The following ANKRD30A variants were observed in gnomAD, a reference collection of about 807,000 sequenced individuals.
ANKRD30A encodes the protein ankyrin repeat domain 30A.
ANKRD30A carries 170 observed loss-of-function variants against 166.3 expected under a neutral mutation model. The observed-to-expected ratio is 1.02, with a 90% CI of 0.90 to 1.16. ANKRD30A has a LOEUF of 1.16. Among genes scored for constraint, ANKRD30A ranks in the 50% most tolerant of loss-of-function variants. The pLI, the probability that ANKRD30A is intolerant of heterozygous loss-of-function variation, is 0.00. For missense variants in ANKRD30A, 1,630 were observed against 1,518.0 expected, an observed-to-expected ratio of 1.07 and a Z score of -1.23; for synonymous variants, 564 against 508.9, an observed-to-expected ratio of 1.11 and a Z score of -1.46.
chr10:37,134,158 T>G (rs1836538905), intron 5 of ANKRD30A, 105 bp downstream of exon 5: 2 of 1,333,022 alleles, frequency 1.5e-6, no homozygotes, highest in African/African-American at 2.9e-5. Context: ...GGCAAAAAGC[T>G]AGACTAGTTA....
At chr10:37,159,447 G>A (rs12769943) in intron 15 of ANKRD30A, among the ~76,000 whole-genome samples, 2 of 152,044 alleles carry the variant, frequency 1.3e-5, no homozygotes, top group South Asian at 4.1e-4. Flanking sequence ...GAAACTAGGA[G>A]GCAAAAGTTG....
chr10:37,212,995 A>G (rs1399503562), intron 31 of ANKRD30A, among the ~76,000 whole-genome samples: 1 of 151,832 alleles, frequency 6.6e-6, no homozygotes, highest in Admixed American at 6.6e-5. Flanking sequence ...ACATTAACTC[A>G]TTTTCAAACT....
At chr10:37,204,502 A>T (rs1332493093) in intron 31 of ANKRD30A, among the ~76,000 whole-genome samples, 1 of 152,198 alleles carries the variant, frequency 6.6e-6, no homozygotes, top group Non-Finnish European at 1.5e-5. Context: ...TTAGACCTAA[A>T]ACCATAAAAA....
intron 15 of ANKRD30A, among the ~76,000 whole-genome samples, chr10:37,159,597 C>G (rs550131022): frequency 5.9e-5 from 9 of 152,218 alleles, no homozygotes; most frequent in East Asian, 1.9e-4. Context: ...ATGTCTTATA[C>G]GCTGTGTGTA....
chr10:37,159,479 C>T (rs1838662363), intron 15 of ANKRD30A, among the ~76,000 whole-genome samples: 3 of 152,012 alleles, frequency 2.0e-5, no homozygotes, highest in Admixed American at 2.0e-4. Flanking sequence ...CCTTTTGCCA[C>T]TTTAGCTTGA....
rs1187488605 is a variant in ANKRD30A, at chr10:37,219,157, AC to A, written c.3448del (p.Leu1150Ter). 1 of 1,610,208 alleles carries A rather than the reference AC, an allele frequency of 6.2e-7. No individual in the cohort carries two copies. Among genetic ancestry groups the A allele is most frequent in the African/African-American group, 1.3e-5 (1 of 74,636 alleles). Reference sequence around the variant, plus strand: ...AGAAAAGAATGCTGAACTTCAGATGACCCTAAAACTGAAAGAGGAATCATTA... The same window carrying A: ...AGAAAAGAATGCTGAACTTCAGATGACCTAAAACTGAAAGAGGAATCATTA... ...LKEKNAELQM[T>X]LKLKEESLTK... On this transcript the variant is annotated frameshift_variant, in exon 34 of 36. Coordinates refer to ENST00000361713, the MANE Select transcript of ANKRD30A (RefSeq NM_052997.3). LOFTEE classifies it high-confidence loss of function.
At chr10:37,200,199 T>C (rs1295613724) in intron 30 of ANKRD30A, among the ~76,000 whole-genome samples, 1 of 152,046 alleles carries the variant, frequency 6.6e-6, no homozygotes, top group Non-Finnish European at 1.5e-5. Context: ...ATTGTAAAAG[T>C]TGGGACCTGA....
intron 31 of ANKRD30A, among the ~76,000 whole-genome samples, chr10:37,206,328 T>C (rs1393034036): frequency 6.6e-6 from 1 of 152,168 alleles, no homozygotes; most frequent in Non-Finnish European, 1.5e-5. Flanking sequence ...TGGAGAGTAT[T>C]GGAAGAAGGA....
the ANKRD30A span, among the ~76,000 whole-genome samples, chr10:37,265,279 C>G: frequency 1.3e-5 from 2 of 152,162 alleles, no homozygotes. Flanking sequence ...TAGAAAGGAG[C>G]TTGGCAATCT....
intron 24 of ANKRD30A, among the ~76,000 whole-genome samples, chr10:37,184,027 A>G (rs1342051991): frequency 1.1e-3 from 163 of 151,206 alleles, no homozygotes; most frequent in African/African-American, 3.8e-3. Context: ...ACGCATTTCT[A>G]ATAATTTCTC....
the ANKRD30A span, among the ~76,000 whole-genome samples, chr10:37,250,414 T>C: frequency 6.6e-6 from 1 of 152,004 alleles, no homozygotes; most frequent in Non-Finnish European, 1.5e-5. Flanking sequence ...GGAAGTGTTT[T>C]ATTGGGGATG....
intron 25 of ANKRD30A, among the ~76,000 whole-genome samples, chr10:37,191,417 A>G (rs1840566859): frequency 6.6e-6 from 1 of 151,974 alleles, no homozygotes; most frequent in South Asian, 2.1e-4. Context: ...GACAGGACAT[A>G]TTAAAGAACA....
intron 31 of ANKRD30A, among the ~76,000 whole-genome samples, chr10:37,206,157 G>A (rs1046497090): frequency 4.6e-5 from 7 of 152,104 alleles, no homozygotes; most frequent in South Asian, 2.1e-4. Flanking sequence ...ATCCAGATCC[G>A]GAGATTATTT....
chr10:37,211,557 A>G (rs1245273274), intron 31 of ANKRD30A, among the ~76,000 whole-genome samples: 1 of 152,108 alleles, frequency 6.6e-6, no homozygotes, highest in South Asian at 2.1e-4. Context: ...TGTTGGTTCC[A>G]AGTCTTTGCT....
intron 6 of ANKRD30A, 73 bp downstream of exon 6, chr10:37,136,744 T>A: frequency 1.1e-6 from 1 of 895,428 alleles, no homozygotes; most frequent in Non-Finnish European, 1.7e-6. Context: ...CACAAAAAGG[T>A]AATTCAAAAA....
At chr10:37,154,368 G>T (rs1039739507) in intron 13 of ANKRD30A, among the ~76,000 whole-genome samples, 2 of 152,208 alleles carry the variant, frequency 1.3e-5, no homozygotes, top group African/African-American at 4.8e-5. Flanking sequence ...TTTTTAAAAA[G>T]TTCTCAGGTG....
chr10:37,202,708 T>C (rs1246426335), intron 31 of ANKRD30A, among the ~76,000 whole-genome samples: 1 of 152,096 alleles, frequency 6.6e-6, no homozygotes, highest in African/African-American at 2.4e-5. Context: ...AGCTGGTTTT[T>C]TGAAAAGATT....
At chr10:37,148,856 G>A (rs948912592) in intron 9 of ANKRD30A, among the ~76,000 whole-genome samples, 1 of 151,924 alleles carries the variant, frequency 6.6e-6, no homozygotes, top group African/African-American at 2.4e-5. Flanking sequence ...CTAATGATAC[G>A]CCAAATCAGA....
intron 34 of ANKRD30A, among the ~76,000 whole-genome samples, chr10:37,226,373 C>G (rs1419371892): frequency 1.3e-5 from 2 of 150,148 alleles, no homozygotes; most frequent in Non-Finnish European, 3.0e-5. Context: ...GTTTTTTGTC[C>G]TTGCAATAGT....
Sources: allele counts gnomAD v4.1 joint callset (sites outside exome capture counted in the v4.1 genomes callset), GRCh38; gene constraint gnomAD v4.1.1; transcripts MANE v1.5; gene names NCBI Gene and HGNC (gene_info 2026-07-23, HGNC 2026-07-21).